THOC2: variants seen among roughly 807,000 people sequenced by gnomAD.
THOC2 encodes THO complex 2.
In THOC2, 10 loss-of-function variants were observed where a neutral mutation model predicts 128.4. That is an observed-to-expected ratio of 0.08 (90% CI 0.05 to 0.13). The LOEUF (loss-of-function observed/expected upper bound fraction) is 0.13, where lower values mean the gene tolerates loss of function less well. THOC2 is among the 10% of genes least tolerant of loss of function. The pLI is 1.00. For synonymous variants in THOC2, 393 were observed against 396.9 expected (o/e 0.99, Z 0.12); for missense variants, 535 against 1,155.7 (o/e 0.46, Z 7.79).
At chrX:123,692,189 G>A (rs1484094977) in intron 7 of THOC2, among the ~76,000 whole-genome samples, 1 of 111,629 alleles carries the variant, frequency 9.0e-6, no homozygotes, top group Admixed American at 9.6e-5. Flanking sequence ...AGTTCTTACC[G>A]TTTAGTTCAG....
intron 24 of THOC2, 72 bp from the exon 25 acceptor site, chrX:123,626,141 A>G (rs1002719360): frequency 1.4e-6 from 1 of 736,115 alleles, no homozygotes; most frequent in African/African-American, 2.2e-5. Context: ...TAAACATGAC[A>G]ACATATTACC....
intron 2 of THOC2, among the ~76,000 whole-genome samples, chrX:123,707,853 C>T (rs774696056): frequency 5.5e-5 from 6 of 109,887 alleles, no homozygotes; most frequent in African/African-American, 9.9e-5. Context: ...CTTAGCCAGG[C>T]GCAGTGGCTC....
chrX:123,612,273 C>A (rs766824907), intron 36 of THOC2, among the ~76,000 whole-genome samples: 6 of 111,681 alleles, frequency 5.4e-5, no homozygotes, highest in Non-Finnish European at 7.5e-5. Flanking sequence ...AACGTGGAAA[C>A]AATTCAAAAG....
intron 12 of THOC2, among the ~76,000 whole-genome samples, chrX:123,665,299 C>G (rs2147796782): frequency 8.9e-6 from 1 of 111,823 alleles, no homozygotes; most frequent in South Asian, 3.7e-4. Flanking sequence ...CAACTCCCCA[C>G]AGTATTCAGT....
intron 1 of THOC2, among the ~76,000 whole-genome samples, chrX:123,713,807 T>A (rs2051293865): frequency 9.5e-6 from 1 of 105,104 alleles, no homozygotes; most frequent in Non-Finnish European, 1.9e-5. Context: ...GAACCATGAC[T>A]GCTCGCTCCA....
rs1384647195 is a variant in THOC2, at chrX:123,600,901, T to G, written c.*456A>C. On this transcript the variant is annotated 3_prime_UTR_variant, in exon 39 of 39. Coordinates refer to ENST00000245838, the MANE Select transcript of THOC2 (RefSeq NM_001081550.2). ...TCCCACTGCTTTTAGTGACTAATAT[T>G]AAGAACAAGCCAAATAATAAATTAA... 6 of 112,485 alleles carry G rather than the reference T, an allele frequency of 5.3e-5. No individual in the cohort carries two copies. Among genetic ancestry groups the G allele is most frequent in the African/African-American group, 1.9e-4 (6 of 30,874 alleles). 9.3% of individuals were successfully genotyped at this position (112,485 alleles called of 1,213,427 possible). A position where few individuals can be genotyped will look rare whatever the true frequency, so the allele number is the denominator to read the frequency against.
chrX:123,668,048 A>G, intron 10 of THOC2, 111 bp downstream of exon 10: 1 of 570,627 alleles, frequency 1.8e-6, no homozygotes, highest in Non-Finnish European at 2.5e-6. Flanking sequence ...ATGAGGTTTC[A>G]GCAAAATGAA....
At chrX:123,725,259 T>C (rs1441000733) in intron 1 of THOC2, among the ~76,000 whole-genome samples, 1 of 110,208 alleles carries the variant, frequency 9.1e-6, no homozygotes, top group Non-Finnish European at 1.9e-5. Flanking sequence ...GGCCTTCTAA[T>C]GGGTTGAGAA....
At chrX:123,721,622 T>A (rs1458780686) in intron 1 of THOC2, among the ~76,000 whole-genome samples, 2 of 107,077 alleles carry the variant, frequency 1.9e-5, no homozygotes, top group African/African-American at 6.8e-5. Flanking sequence ...CCATCTCTAC[T>A]AAAAAATACA....
chrX:123,705,261 A>G (rs887496426), intron 3 of THOC2, among the ~76,000 whole-genome samples: 4 of 111,941 alleles, frequency 3.6e-5, no homozygotes, highest in African/African-American at 1.3e-4. Flanking sequence ...ACACATATAT[A>G]AAATTCACTT....
intron 12 of THOC2, among the ~76,000 whole-genome samples, chrX:123,663,387 A>G (rs1048135900): frequency 1.1e-4 from 12 of 111,711 alleles, no homozygotes; most frequent in African/African-American, 3.9e-4. Flanking sequence ...AGTGATGGAA[A>G]GCCTATCAGA....
At chrX:123,705,058 A>G (rs774781958) in intron 3 of THOC2, among the ~76,000 whole-genome samples, 5 of 111,428 alleles carry the variant, frequency 4.5e-5, no homozygotes, top group Non-Finnish European at 9.4e-5. Flanking sequence ...GCCTATTTTC[A>G]GAAACTAAAA....
intron 1 of THOC2, among the ~76,000 whole-genome samples, chrX:123,725,216 G>A (rs992047826): frequency 9.0e-6 from 1 of 111,368 alleles, no homozygotes; most frequent in Non-Finnish European, 1.9e-5. Context: ...TTGATCCCAA[G>A]TACTTTCAAC....
chrX:123,672,852 C>T (rs751533342), intron 8 of THOC2, among the ~76,000 whole-genome samples: 1 of 112,532 alleles, frequency 8.9e-6, no homozygotes, highest in East Asian at 2.8e-4. Context: ...AGTAACAATA[C>T]ACTATGTTCT....
At chrX:123,623,074 A>G (rs1261548991) in intron 29 of THOC2, 31 bp downstream of exon 29, 15 of 1,142,140 alleles carry the variant, frequency 1.3e-5, no homozygotes, top group Non-Finnish European at 1.8e-5. Context: ...AATAAAATAT[A>G]TTACTTATAA....
At chrX:123,666,606 A>G (rs746451447) in intron 11 of THOC2, among the ~76,000 whole-genome samples, 1 of 112,020 alleles carries the variant, frequency 8.9e-6, no homozygotes, top group South Asian at 3.8e-4. Context: ...GCAGAAAGCT[A>G]AAGGACTAGA....
chrX:123,674,970 A>G (rs980507082), intron 8 of THOC2, among the ~76,000 whole-genome samples: 4 of 111,789 alleles, frequency 3.6e-5, no homozygotes, highest in African/African-American at 9.7e-5. Context: ...AAACCTGCAC[A>G]TGTACCCCGA....
At chrX:123,661,945 T>TG (rs1245937453) in intron 12 of THOC2, among the ~76,000 whole-genome samples, 4 of 111,406 alleles carry the variant, frequency 3.6e-5, no homozygotes, top group Non-Finnish European at 7.5e-5. Flanking sequence ...TGAGCCATGG[T>TG]GGTGCCACTT....
chrX:123,686,893 G>A (rs973500127), intron 7 of THOC2, among the ~76,000 whole-genome samples, 179 bp from the exon 8 acceptor site: 2 of 112,210 alleles, frequency 1.8e-5, no homozygotes, highest in African/African-American at 6.5e-5. Flanking sequence ...TTTTACAGAT[G>A]AGAATGTGAC....
Sources: allele counts gnomAD v4.1 joint callset (sites outside exome capture counted in the v4.1 genomes callset), GRCh38; gene constraint gnomAD v4.1.1; transcripts MANE v1.5; gene names NCBI Gene and HGNC (gene_info 2026-07-23, HGNC 2026-07-21).